Variants in GRIP1 observed in about 807,000 individuals in gnomAD.
GRIP1 encodes the protein glutamate receptor-interacting protein 1.
Under a neutral mutation model 129.9 loss-of-function variants are expected in GRIP1, and 45 were observed. That is an observed-to-expected ratio of 0.35 (90% CI 0.27 to 0.44). The LOEUF (loss-of-function observed/expected upper bound fraction) is 0.44. Among genes scored for constraint, GRIP1 ranks in the 20% least tolerant of loss-of-function variants. The probability of loss-of-function intolerance (pLI) is 1.00; values close to 1 mark genes in which losing one functional copy is unlikely to be tolerated. For synonymous variants in GRIP1, 530 were observed against 520.8 expected (o/e 1.02, Z -0.24); for missense variants, 1,196 against 1,396.8 (o/e 0.86, Z 2.29).
intron 1 of GRIP1, among the ~76,000 whole-genome samples, chr12:66,713,313 T>G (rs2035768428): frequency 6.6e-6 from 1 of 151,976 alleles, no homozygotes; most frequent in Non-Finnish European, 1.5e-5. Context: ...CAACATTTGT[T>G]TATTGATCAC....
At chr12:66,890,179 T>A (rs2040634459) in intron 1 of GRIP1, among the ~76,000 whole-genome samples, 1 of 152,146 alleles carries the variant, frequency 6.6e-6, no homozygotes, top group Non-Finnish European at 1.5e-5. Context: ...TGTTCCCACC[T>A]CAGCCTCCCA....
At chr12:66,581,959 G>A (rs1188068189) in intron 2 of GRIP1, among the ~76,000 whole-genome samples, 1 of 152,136 alleles carries the variant, frequency 6.6e-6, no homozygotes, top group South Asian at 2.1e-4. Flanking sequence ...CGAAAAAAGA[G>A]AATTTTAGAC....
At chr12:66,606,271 T>C (rs2064522446) in intron 1 of GRIP1, among the ~76,000 whole-genome samples, 2 of 152,180 alleles carry the variant, frequency 1.3e-5, no homozygotes, top group Admixed American at 1.3e-4. Context: ...GCAGGAAAAG[T>C]AAACCTCAGG....
At chr12:66,704,244 TATC>T (rs1438965110) in intron 1 of GRIP1, among the ~76,000 whole-genome samples, 1 of 152,062 alleles carries the variant, frequency 6.6e-6, no homozygotes, top group Non-Finnish European at 1.5e-5. Context: ...TAGGTGAACA[TATC>T]ATCTTTTGAT....
chr12:66,472,156 G>A (rs1450322036), intron 7 of GRIP1, among the ~76,000 whole-genome samples: 1 of 152,194 alleles, frequency 6.6e-6, no homozygotes, highest in Non-Finnish European at 1.5e-5. Context: ...TAGGATAGAA[G>A]TCTGTCCACC....
In GRIP1 at chr12:66,456,345, G is replaced by A; in HGVS notation, c.1043-3C>T. ...CCTGTCGCTCCTCTGAATTTTCACT[G>A]CCCATATGAAGTGATGATGAAAAAT... On this transcript the variant is annotated splice_region_variant and splice_polypyrimidine_tract_variant and intron_variant, in intron 9 of 24. Transcript: ENST00000359742. 7.8e-7 allele frequency: 1 copy of A among 1,283,748 alleles called. No individual in the cohort carries two copies. The highest frequency in any genetic ancestry group is 1.0e-6 in the Non-Finnish European group (1 of 983,352). The allele number at this position is 1,283,748 out of a possible 1,614,324, so 79.5% of individuals were successfully genotyped here. A position where few individuals can be genotyped will look rare whatever the true frequency, so the allele number is the denominator to read the frequency against.
At chr12:66,849,038 C>T (rs986808221) in intron 1 of GRIP1, among the ~76,000 whole-genome samples, 1 of 152,138 alleles carries the variant, frequency 6.6e-6, no homozygotes, top group African/African-American at 2.4e-5. Context: ...CATATTGCTG[C>T]CAGGTTCATC....
chr12:66,856,975 A>G (rs1035247876), intron 1 of GRIP1, among the ~76,000 whole-genome samples: 12 of 152,192 alleles, frequency 7.9e-5, no homozygotes, highest in Admixed American at 2.6e-4. Flanking sequence ...AACCAACCCA[A>G]ATGTCCAACA....
intron 1 of GRIP1, among the ~76,000 whole-genome samples, chr12:66,941,163 A>C (rs1008049832): frequency 1.0e-5 from 1 of 96,174 alleles, no homozygotes; most frequent in African/African-American, 2.9e-5. Context: ...TCATGTGATT[A>C]AAAAAAAAAA....
chr12:66,802,496 C>A (rs893718248), intron 1 of GRIP1, among the ~76,000 whole-genome samples: 2 of 152,088 alleles, frequency 1.3e-5, no homozygotes, highest in Non-Finnish European at 2.9e-5. Context: ...TTCTTAGATA[C>A]CTCCATATAT....
rs781407965 is a variant in GRIP1 at position 66,349,198 on chromosome 12, G to A, written c.3208C>T (p.Leu1070Phe). The change falls in exon 25 of 25, where the codon CTC (leucine) becomes TTC (phenylalanine). Residue 1070 changes from leucine to phenylalanine, a missense_variant. Leu to Phe is a conservative substitution (Grantham distance 22). This residue lies in a region of GRIP1 where 427 missense variants were observed against 463.3 expected (regional missense o/e 0.92). Transcript: ENST00000359742. Reference sequence around the variant, plus strand: ...AGCTTATTCCCGGATTCTGCTATGAGGGGCACAACAAGGCAGCAGTCAAAG... The same window carrying A: ...AGCTTATTCCCGGATTCTGCTATGAAGGGCACAACAAGGCAGCAGTCAAAG... ...RDFDCCLVVP[L>F]IAESGNKLDL... 6.2e-7 allele frequency: 1 copy of A among 1,614,110 alleles called. No individual in the cohort carries two copies. Among genetic ancestry groups the A allele is most frequent in the Non-Finnish European group, 8.5e-7 (1 of 1,179,992 alleles).
intron 2 of GRIP1, among the ~76,000 whole-genome samples, chr12:66,550,438 T>C (rs2062088080): frequency 1.3e-5 from 2 of 152,232 alleles, no homozygotes; most frequent in African/African-American, 4.8e-5. Flanking sequence ...TTTTGATTGT[T>C]ATGAATATAA....
chr12:66,864,630 A>T (rs965776711), intron 1 of GRIP1, among the ~76,000 whole-genome samples: 16 of 152,052 alleles, frequency 1.1e-4, no homozygotes, highest in South Asian at 2.1e-4. Flanking sequence ...AGGCAGAAGG[A>T]TCACTTGAGT....
chr12:66,469,639 A>G lies in GRIP1; in HGVS notation c.725-4217T>C, dbSNP rs189200683. On this transcript the variant is annotated intron_variant, in intron 7 of 24. Coordinates refer to ENST00000359742, the MANE Select transcript of GRIP1 (RefSeq NM_001366722.1). ...TAGTAAGGTCCTAATCTAACTAACC[A>G]GAAAAAAAATGATGAAGAAAAGAGG... Among the ~76,000 whole-genome samples the G allele has an allele frequency of 8.7e-4, 133 of 152,294 alleles. 1 individual carries two copies. Among genetic ancestry groups the G allele is most frequent in the African/African-American group, 3.1e-3 (129 of 41,558 alleles).
chr12:66,928,941 G>A (rs946711127), intron 1 of GRIP1, among the ~76,000 whole-genome samples: 4 of 152,162 alleles, frequency 2.6e-5, no homozygotes, highest in African/African-American at 9.7e-5. Flanking sequence ...CCAAGTGCAA[G>A]TGTACATCTC....
intron 1 of GRIP1, among the ~76,000 whole-genome samples, chr12:67,007,035 T>G (rs753225378): frequency 1.3e-5 from 2 of 152,204 alleles, no homozygotes; most frequent in Non-Finnish European, 2.9e-5. Context: ...GTATTTAAAC[T>G]TTTCTTTTTG....
At chr12:66,618,705 G>A (rs914899070) in intron 1 of GRIP1, among the ~76,000 whole-genome samples, 1 of 151,974 alleles carries the variant, frequency 6.6e-6, no homozygotes, top group Non-Finnish European at 1.5e-5. Flanking sequence ...TAATACATGT[G>A]CATAATGAAA....
chr12:66,375,724 T>C (rs78598096), intron 22 of GRIP1, among the ~76,000 whole-genome samples: 4,806 of 152,346 alleles, frequency 0.032, 113 homozygotes, highest in Middle Eastern at 0.1. Flanking sequence ...CTCTTACTGA[T>C]GGATGTTGTT....
intron 1 of GRIP1, among the ~76,000 whole-genome samples, chr12:66,666,854 G>A (rs549278322): frequency 6.6e-6 from 1 of 151,414 alleles, no homozygotes; most frequent in African/African-American, 2.4e-5. Context: ...TAGGTTTGAA[G>A]CATTTCTTCT....
Sources: allele counts gnomAD v4.1 joint callset (sites outside exome capture counted in the v4.1 genomes callset), GRCh38; gene constraint gnomAD v4.1.1; regional missense constraint gnomAD v4.1.1; transcripts MANE v1.5; gene names NCBI Gene and HGNC (gene_info 2026-07-23, HGNC 2026-07-21).